The following CABIN1 variants were observed in gnomAD, a reference collection of about 807,000 sequenced individuals.
CABIN1 encodes calcineurin-binding protein cabin-1.
In CABIN1, 133 loss-of-function variants were observed where a neutral mutation model predicts 227.7. The ratio of observed to expected loss-of-function variants is 0.58; its 90% CI spans 0.51 to 0.67. The LOEUF (loss-of-function observed/expected upper bound fraction) is 0.67. CABIN1 is among the 30% of genes least tolerant of loss of function. CABIN1 has a pLI of 0.00. For missense variants in CABIN1, 2,408 were observed against 2,852.5 expected (o/e 0.84, Z 3.55); for synonymous variants, 1,086 against 1,155.1 (o/e 0.94, Z 1.21).
intron 29 of CABIN1, among the ~76,000 whole-genome samples, chr22:24,136,662 G>A (rs987602941): frequency 3.3e-5 from 5 of 149,448 alleles, no homozygotes; most frequent in African/African-American, 1.2e-4. Flanking sequence ...CACTGTGCCC[G>A]GCCTCCCATC....
chr22:24,072,609 G>A (rs1325558984), intron 18 of CABIN1, 99 bp downstream of exon 18: 21 of 1,371,648 alleles, frequency 1.5e-5, no homozygotes, highest in South Asian at 2.4e-5. Context: ...GACGTTGTGA[G>A]TGGGGCTCAG....
Position 24,098,027 on chromosome 22 carries a change from C to T in CABIN1, c.3952C>T (p.Leu1318=). ...CTGTTCCCACAGGGAGAAGGCCTGC[C>T]TGGTGGACGAGGACTCCCACTCTTC... ...PKASEKEKAC[L]VDEDSHSSAG... The change falls in exon 26 of 37, where the codon CTG becomes TTG. Residue 1318 remains leucine (L), a synonymous_variant. Transcript: ENST00000263119. 6.2e-7 allele frequency: 1 copy of T among 1,614,204 alleles called. No homozygotes were observed. Among genetic ancestry groups the T allele is most frequent in the East Asian group, 2.2e-5 (1 of 44,880 alleles).
In CABIN1 at chr22:24,060,900, CA is replaced by C. The variant is rs200109765; in HGVS notation, c.1617+771del. On this transcript the variant is annotated intron_variant, in intron 12 of 36. Transcript: ENST00000263119. The stretch of plus-strand genomic sequence containing the variant: ...AGGCGACAAGGCGAGACTCTTGTCT[CA>C]AAAAAAAAAAATTTGTTTTGTTTTG... 3.8e-3 allele frequency among the ~76,000 whole-genome samples: 558 copies of C among 146,110 alleles called. 20 individuals carry two copies. The East Asian group carries it at 0.093, about 24-fold the overall frequency.
intron 20 of CABIN1, among the ~76,000 whole-genome samples, chr22:24,084,136 G>T (rs985642116): frequency 6.6e-6 from 1 of 152,188 alleles, no homozygotes. Context: ...GCTCAGCCAC[G>T]TGGGCTTATA....
chr22:24,120,495 T>C (rs964494714), intron 28 of CABIN1, among the ~76,000 whole-genome samples: 5 of 152,138 alleles, frequency 3.3e-5, no homozygotes, highest in East Asian at 1.9e-4. Context: ...TCCTGCACCA[T>C]GTAGCTACAT....
intron 28 of CABIN1, among the ~76,000 whole-genome samples, chr22:24,121,397 G>A (rs2043402787): frequency 6.6e-6 from 1 of 152,234 alleles, no homozygotes. Context: ...CTGGGAGGGA[G>A]GGAGTCTCAT....
intron 28 of CABIN1, among the ~76,000 whole-genome samples, chr22:24,128,900 C>T (rs1050740057): frequency 6.6e-6 from 1 of 152,236 alleles, no homozygotes; most frequent in African/African-American, 2.4e-5. Context: ...TAGAGCCTGA[C>T]CTCTCTGAGC....
chr22:24,071,195 G>A (rs2040060406), intron 17 of CABIN1, 153 bp downstream of exon 17: 2 of 1,054,972 alleles, frequency 1.9e-6, no homozygotes, highest in Admixed American at 4.0e-5. Flanking sequence ...ATCTGAGGAG[G>A]GGTTTGTGCG....
In CABIN1 at chr22:24,113,710, C is replaced by A. The variant is rs747404346; in HGVS notation, c.4262C>A (p.Ala1421Glu). Reference protein sequence around the residue: ...RLPILSSQAGATGKDLQGATE... With the variant: ...RLPILSSQAGETGKDLQGATE... ...CCCATTCTCAGTTCCCAAGCAGGAG[C>A]GACGGGTAAAGATCTTCAGGGGGCC... The change falls in exon 27 of 37, where the codon GCG becomes GAG. Residue 1421 changes from alanine (A) to glutamate (E), a missense_variant. Ala to Glu is a moderately radical substitution (Grantham distance 107, BLOSUM62 -1). Around this residue, in one of 3 missense-constraint regions of CABIN1, gnomAD observed 649 missense variants for 910.3 expected, o/e 0.71. Coordinates refer to ENST00000263119, the MANE Select transcript of CABIN1 (RefSeq NM_012295.4). The A allele has an allele frequency of 6.2e-7, 1 of 1,613,938 alleles. No individual in the cohort carries two copies. The highest frequency in any genetic ancestry group is 1.1e-5 in the South Asian group (1 of 91,080).
chr22:24,139,531 G>A (rs923027973), intron 29 of CABIN1, among the ~76,000 whole-genome samples: 15 of 151,208 alleles, frequency 9.9e-5, no homozygotes, highest in African/African-American at 4.9e-5. Context: ...GCACCACTGC[G>A]CTCCAGCCTG....
At chr22:24,032,222 A>G (rs1042644565) in intron 1 of CABIN1, among the ~76,000 whole-genome samples, 1 of 152,316 alleles carries the variant, frequency 6.6e-6, no homozygotes, top group East Asian at 1.9e-4. Context: ...TTTTCCACCT[A>G]TAAGTGGAAT....
At chr22:24,153,535 T>G (rs944025201) in intron 29 of CABIN1, among the ~76,000 whole-genome samples, 3 of 152,188 alleles carry the variant, frequency 2.0e-5, no homozygotes, top group Non-Finnish European at 2.9e-5. Flanking sequence ...CACATGACGC[T>G]CCAGGGACCT....
At chr22:24,103,762 T>C (rs1053286091) in intron 26 of CABIN1, among the ~76,000 whole-genome samples, 1 of 152,150 alleles carries the variant, frequency 6.6e-6, no homozygotes, top group Non-Finnish European at 1.5e-5. Flanking sequence ...GGTCACGGCA[T>C]TTATTGAACA....
At chr22:24,052,741 G>A (rs2038440722) in intron 8 of CABIN1, among the ~76,000 whole-genome samples, 2 of 149,980 alleles carry the variant, frequency 1.3e-5, no homozygotes, top group South Asian at 4.2e-4. Flanking sequence ...AGTGAGCTGT[G>A]ATGGCACCAC....
Position 24,178,288 on chromosome 22 carries a change from C to A in CABIN1, c.*92C>A. On this transcript the variant is annotated 3_prime_UTR_variant, in exon 37 of 37. Coordinates refer to ENST00000263119, the MANE Select transcript of CABIN1 (RefSeq NM_012295.4). Reference sequence around the variant, plus strand: ...GACCCTGGGCAGGACCAGAGGCCCACATGGATGCCACTCCCCACACAGCCC... The same window carrying A: ...GACCCTGGGCAGGACCAGAGGCCCAAATGGATGCCACTCCCCACACAGCCC... 1.3e-6 allele frequency: 2 copies of A among 1,503,336 alleles called. No individual in the cohort carries two copies. Among genetic ancestry groups the A allele is most frequent in the South Asian group, 1.2e-5 (1 of 86,096 alleles). 93.1% of individuals were successfully genotyped at this position (1,503,336 alleles called of 1,614,324 possible).
At position 24,091,961 on chromosome 22, in the gene CABIN1, C is replaced by T. The variant is rs555799595; in HGVS notation, c.3786+118C>T. 7.4e-6 allele frequency: 9 copies of T among 1,211,768 alleles called. No individual in the cohort carries two copies. In the South Asian group the frequency reaches 1.0e-4, roughly 13 times the overall value. 75.1% of individuals were successfully genotyped at this position (1,211,768 alleles called of 1,614,324 possible). Reference sequence around the variant, plus strand: ...GTCCTTCAACCTGCCGCAAACTTATCTGTGTTGAGCAGCTTCATGTGCAAT... The same window carrying T: ...GTCCTTCAACCTGCCGCAAACTTATTTGTGTTGAGCAGCTTCATGTGCAAT... On this transcript the variant is annotated intron_variant, in intron 24 of 36. Transcript: ENST00000263119.
rs1365816825 is a variant in CABIN1 at position 24,070,857 on chromosome 22, C to G, written c.2290C>G (p.Leu764Val). The G allele has an allele frequency of 1.2e-6, 2 of 1,614,246 alleles. No individual in the cohort carries two copies. Among genetic ancestry groups the G allele is most frequent in the South Asian group, 1.1e-5 (1 of 91,090 alleles). ...GTGTTTTGAGTGTTCCGATGTGGCT[C>G]TGAACGAGGCTGTCCAGCAGATGGT... is the stretch of plus-strand genomic sequence containing the variant. ...RQCFECSDVA[L>V]NEAVQQMVNS... Residue 764 changes from leucine to valine, a missense_variant, in exon 17 of 37, where the codon CTG becomes GTG. Transcript: ENST00000263119.
chr22:24,015,587 G>T (rs933264447), intron 1 of CABIN1, among the ~76,000 whole-genome samples: 1 of 151,566 alleles, frequency 6.6e-6, no homozygotes, highest in South Asian at 2.1e-4. Context: ...CTTGTGATCC[G>T]CCCGCCTCAG....
chr22:24,030,027 A>G (rs1601686474), intron 1 of CABIN1, among the ~76,000 whole-genome samples: 1 of 152,210 alleles, frequency 6.6e-6, no homozygotes, highest in East Asian at 1.9e-4. Context: ...TTAGCATGTA[A>G]TACTTGGGCA....
Sources: allele counts gnomAD v4.1 joint callset (sites outside exome capture counted in the v4.1 genomes callset), GRCh38; gene constraint gnomAD v4.1.1; regional missense constraint gnomAD v4.1.1; transcripts MANE v1.5; gene names NCBI Gene and HGNC (gene_info 2026-07-23, HGNC 2026-07-21).